Variants in BLK observed in about 807,000 individuals in gnomAD.
BLK encodes the protein BLK proto-oncogene, Src family tyrosine kinase, also known as tyrosine-protein kinase Blk.
Under a neutral mutation model 61.8 loss-of-function variants are expected in BLK, and 64 were observed. The ratio of observed to expected loss-of-function variants is 1.03; its 90% CI spans 0.85 to 1.27. The LOEUF is 1.27. Ranked by LOEUF, BLK falls within the 50% of genes most tolerant of loss-of-function variation. The pLI is 0.00. For synonymous variants in BLK, 351 were observed against 272.0 expected, an observed-to-expected ratio of 1.29 and a Z score of -2.86; for missense variants, 853 against 660.5, an observed-to-expected ratio of 1.29 and a Z score of -3.19.
chr8:11,532,256 T>C (rs1052850762), intron 1 of BLK, among the ~76,000 whole-genome samples: 1 of 151,734 alleles, frequency 6.6e-6, no homozygotes, highest in Admixed American at 6.6e-5. Context: ...TAGAGTGCAG[T>C]GGTGTGATCT....
intron 1 of BLK, among the ~76,000 whole-genome samples, chr8:11,503,119 G>C (rs1477182800): frequency 2.6e-5 from 4 of 152,188 alleles, no homozygotes; most frequent in African/African-American, 9.7e-5. Context: ...GACACACCTG[G>C]GGTGCAAAAC....
chr8:11,499,471 C>T (rs1798478376), intron 1 of BLK, among the ~76,000 whole-genome samples: 1 of 152,220 alleles, frequency 6.6e-6, no homozygotes, highest in South Asian at 2.1e-4. Context: ...GCTTGAGATC[C>T]TGAGAGAATC....
chr8:11,500,647 T>C (rs55860742), intron 1 of BLK, among the ~76,000 whole-genome samples: 58,260 of 149,676 alleles, frequency 0.39, 12,793 homozygotes, highest in Non-Finnish European at 0.52. Context: ...TCCCAAGTAG[T>C]TGGGACCACA....
At chr8:11,515,052 C>G (rs142454971) in intron 1 of BLK, among the ~76,000 whole-genome samples, 1 of 152,286 alleles carries the variant, frequency 6.6e-6, no homozygotes, top group African/African-American at 2.4e-5. Flanking sequence ...GATTCTTCCC[C>G]TAGTCTCTCC....
intron 10 of BLK, chr8:11,560,704 C>T: frequency 2.7e-6 from 1 of 376,480 alleles, no homozygotes; most frequent in Non-Finnish European, 5.4e-6. Context: ...CCAGTGCTCC[C>T]TGGGTGCCCC....
chr8:11,501,440 C>T (rs945817202), intron 1 of BLK, among the ~76,000 whole-genome samples: 3 of 151,504 alleles, frequency 2.0e-5, no homozygotes, highest in Admixed American at 1.3e-4. Context: ...GATGGGCTCT[C>T]TGGCACCTGC....
chr8:11,544,417 T>C (rs1278759665), intron 2 of BLK, among the ~76,000 whole-genome samples: 1 of 152,178 alleles, frequency 6.6e-6, no homozygotes, highest in East Asian at 1.9e-4. Flanking sequence ...AACAGGGACC[T>C]GATGGGGAGA....
chr8:11,533,115 G>A (rs1274033745), intron 1 of BLK, among the ~76,000 whole-genome samples: 2 of 152,046 alleles, frequency 1.3e-5, no homozygotes, highest in African/African-American at 2.4e-5. Flanking sequence ...TTATGTGATA[G>A]GCAAATCCTG....
chr8:11,523,990 A>G (rs572162802), intron 1 of BLK, among the ~76,000 whole-genome samples: 14 of 152,320 alleles, frequency 9.2e-5, no homozygotes, highest in African/African-American at 3.1e-4. Context: ...ATATTCTTAA[A>G]CACCATAATT....
chr8:11,546,683 C>G (rs1243290885), intron 3 of BLK, among the ~76,000 whole-genome samples: 1 of 152,222 alleles, frequency 6.6e-6, no homozygotes, highest in Non-Finnish European at 1.5e-5. Flanking sequence ...TCAAGAGATT[C>G]TCCTGCCTCA....
chr8:11,505,983 C>A (rs561502885), intron 1 of BLK, among the ~76,000 whole-genome samples: 1 of 152,232 alleles, frequency 6.6e-6, no homozygotes, highest in African/African-American at 2.4e-5. Flanking sequence ...ATCTTCCTCT[C>A]GCCCTGCTCC....
intron 2 of BLK, chr8:11,545,842 G>C: frequency 1.5e-6 from 1 of 647,266 alleles, no homozygotes; most frequent in South Asian, 1.7e-5. Context: ...GCGCGGTCAG[G>C]GCAAAGGCAG....
At chr8:11,507,009 G>A (rs1798796535) in intron 1 of BLK, among the ~76,000 whole-genome samples, 1 of 152,222 alleles carries the variant, frequency 6.6e-6, no homozygotes, top group African/African-American at 2.4e-5. Context: ...TTCAGGTGCG[G>A]GTAGGGAAAA....
intron 1 of BLK, among the ~76,000 whole-genome samples, chr8:11,542,379 G>A (rs73209299): frequency 2.6e-5 from 4 of 152,344 alleles, no homozygotes; most frequent in Non-Finnish European, 5.9e-5. Context: ...GGACTTGGGT[G>A]CTTCCTCTCT....
At chr8:11,499,728 T>A (rs769624350) in intron 1 of BLK, among the ~76,000 whole-genome samples, 2 of 152,228 alleles carry the variant, frequency 1.3e-5, no homozygotes, top group Non-Finnish European at 2.9e-5. Context: ...ACACTGTGAC[T>A]CTTCAAACTG....
At chr8:11,512,635 AAATT>A (rs1400049925) in intron 1 of BLK, among the ~76,000 whole-genome samples, 2 of 150,096 alleles carry the variant, frequency 1.3e-5, no homozygotes, top group Non-Finnish European at 3.0e-5. Flanking sequence ...ATTTTACTGC[AAATT>A]ACACAGGCTT....
intron 1 of BLK, among the ~76,000 whole-genome samples, chr8:11,497,728 C>T (rs1264543913): frequency 6.6e-6 from 1 of 152,208 alleles, no homozygotes; most frequent in Non-Finnish European, 1.5e-5. Flanking sequence ...ATGATCATCC[C>T]TAATCGTGGT....
chr8:11,505,962 G>C (rs1282374545), intron 1 of BLK, among the ~76,000 whole-genome samples: 1 of 152,186 alleles, frequency 6.6e-6, no homozygotes, highest in Admixed American at 6.5e-5. Flanking sequence ...CCTCCGATAA[G>C]ACCTCTCCCC....
chr8:11,548,158 C>A lies in BLK; in HGVS notation c.269+33C>A. On this transcript the variant is annotated intron_variant, in intron 4 of 12. Coordinates refer to ENST00000259089, the MANE Select transcript of BLK (RefSeq NM_001715.3). ...TCCAGGACACCATCCCCTGTCCCTG[C>A]AGGACCCCCCTCCCCCACATCTCTC... 1.9e-6 allele frequency: 3 copies of A among 1,542,834 alleles called. No individual in the cohort carries two copies. The South Asian group carries it at 3.4e-5, about 17-fold the overall frequency.
Sources: allele counts gnomAD v4.1 joint callset (sites outside exome capture counted in the v4.1 genomes callset), GRCh38; gene constraint gnomAD v4.1.1; transcripts MANE v1.5; gene names NCBI Gene and HGNC (gene_info 2026-07-23, HGNC 2026-07-21).